SAA2: variants seen among roughly 807,000 people sequenced by gnomAD.
SAA2 encodes serum amyloid A2.
Under a neutral mutation model 9.1 loss-of-function variants are expected in SAA2, and 5 were observed. The ratio of observed to expected loss-of-function variants is 0.55; its 90% CI spans 0.29 to 1.16. The LOEUF (loss-of-function observed/expected upper bound fraction) is 1.16. SAA2 is among the 50% of genes most tolerant of loss of function. The pLI, the probability that SAA2 is intolerant of heterozygous loss-of-function variation, is 0.09. For missense variants in SAA2, 94 were observed against 153.8 expected (o/e 0.61, Z 2.06); for synonymous variants, 49 against 59.8 (o/e 0.82, Z 0.83).
At chr11:18,238,242 A>G (rs1286834935), downstream of SAA2, among the ~76,000 whole-genome samples, 1 of 152,132 alleles carries the variant, frequency 6.6e-6, no homozygotes, top group Non-Finnish European at 1.5e-5. Flanking sequence ...GTCATTTTTT[A>G]CTGGTTTATT....
At chr11:18,239,013 G>T (rs1407860737), downstream of SAA2, among the ~76,000 whole-genome samples, 1 of 152,074 alleles carries the variant, frequency 6.6e-6, no homozygotes, top group Non-Finnish European at 1.5e-5. Context: ...GGCTATAAAA[G>T]AATTTTCCAT....
downstream of SAA2, chr11:18,242,068 TA>T (rs1159768428): frequency 2.0e-5 from 3 of 152,158 alleles, no homozygotes; most frequent in African/African-American, 7.2e-5. Flanking sequence ...TCATAGGAGA[TA>T]AGACTGAAAA....
downstream of SAA2, chr11:18,242,800 T>C (rs1477375595): frequency 1.4e-6 from 1 of 701,810 alleles, no homozygotes; most frequent in Non-Finnish European, 2.6e-6. Flanking sequence ...TGAGCCATGA[T>C]CATGCCATGG....
downstream of SAA2, chr11:18,242,831 A>G (rs888709131): frequency 1.0e-5 from 7 of 701,718 alleles, no homozygotes; most frequent in Admixed American, 1.2e-4. Flanking sequence ...TGGATGAAAG[A>G]GGGAGATGCT....
At position 18,245,416 on chromosome 11, in the gene SAA2, G is replaced by A; in HGVS notation, c.330C>T (p.Pro110=). The A allele has an allele frequency of 6.2e-7, 1 of 1,614,236 alleles. No homozygotes were observed. Among genetic ancestry groups the A allele is most frequent in the Non-Finnish European group, 8.5e-7 (1 of 1,180,038 alleles). ...ANKWGRSGRD[P]NHFRPAGLPE... ...GCAGGCCAGCAGGTCGGAAGTGATTGGGGTCTCTGCCACTCCTGCCCCATT... is the reference window on the plus strand; with the variant it reads ...GCAGGCCAGCAGGTCGGAAGTGATTAGGGTCTCTGCCACTCCTGCCCCATT... Residue 110 remains proline (P), a synonymous_variant, in exon 4 of 4, where the codon CCC becomes CCT. Transcript: ENST00000256733.
downstream of SAA2, among the ~76,000 whole-genome samples, chr11:18,240,696 T>C (rs1383807228): frequency 1.3e-5 from 2 of 152,188 alleles, no homozygotes; most frequent in African/African-American, 4.8e-5. Flanking sequence ...TGAAATTTTA[T>C]ATCTCTCATC....
In SAA2 at chr11:18,246,042, C is replaced by G. The variant is rs768875822; in HGVS notation, c.98G>C (p.Arg33Pro). The G allele has an allele frequency of 6.2e-7, 1 of 1,612,674 alleles. No individual in the cohort carries two copies. Among genetic ancestry groups the G allele is most frequent in the Admixed American group, 1.7e-5 (1 of 59,620 alleles). ...GTCAGAGTAGGCTCTCCACATGTCC[C>G]GAGCCCCTGGAAAGGAAAGGAAAGG... ...SFLGEAFDGARDMWRAYSDMR... is the reference protein window; with the variant it reads ...SFLGEAFDGAPDMWRAYSDMR... The change falls in exon 3 of 4, where the codon CGG (arginine) becomes CCG (proline). Residue 33 changes from arginine to proline, a missense_variant. Around this residue, in one of 2 missense-constraint regions of SAA2, gnomAD observed 32 missense variants for 95.5 expected, o/e 0.34. Transcript: ENST00000256733.
chr11:18,242,996 A>T (rs1857391899), downstream of SAA2, among the ~76,000 whole-genome samples: 1 of 152,250 alleles, frequency 6.6e-6, no homozygotes, highest in African/African-American at 2.4e-5. Flanking sequence ...GAGCATAGGT[A>T]TTAGGTGTGA....
intron 3 of SAA2, 73 bp downstream of exon 3, chr11:18,245,837 C>T: frequency 5.3e-6 from 8 of 1,514,454 alleles, no homozygotes; most frequent in African/African-American, 1.4e-5. Context: ...ACAAGGAGCT[C>T]GTCTCCCTCC....
chr11:18,240,043 G>T, intron 3 of SAA2: 1 of 1,531,048 alleles, frequency 6.5e-7, no homozygotes, highest in Non-Finnish European at 8.8e-7. Context: ...AATCACAGGA[G>T]GGTGATTTCC....
In SAA2 at chr11:18,245,378, C is replaced by A. The variant is rs1418221135; in HGVS notation, c.368G>T (p.Ter123LeuextTer13). The change falls in exon 4 of 4, where the codon TGA (stop) becomes TTA (leucine). Residue 123 changes from the stop codon to leucine (L), a stop_lost. Coordinates refer to ENST00000256733, the MANE Select transcript of SAA2 (RefSeq NM_030754.5). ...CTGAGAGCAGAGTGAAGAGGAAGCT[C>A]AGTATTTCTCAGGCAGGCCAGCAGG... ...FRPAGLPEKY[*>L] The A allele has an allele frequency of 2.5e-6, 4 of 1,614,068 alleles. No individual in the cohort carries two copies. The highest frequency in any genetic ancestry group is 3.4e-6 in the Non-Finnish European group (4 of 1,180,050).
downstream of SAA2, chr11:18,242,858 C>T (rs1409926471): frequency 5.7e-6 from 4 of 699,584 alleles, no homozygotes; most frequent in Admixed American, 6.0e-5. Context: ...AATAACGAAA[C>T]AAAACAAAAC....
chr11:18,245,589 G>A (rs775630325), intron 3 of SAA2, 74 bp from the exon 4 acceptor site: 18 of 1,569,354 alleles, frequency 1.1e-5, no homozygotes, highest in African/African-American at 8.1e-5. Flanking sequence ...CATTCTCCCC[G>A]TTCCAAGGGA....
At chr11:18,240,198 A>T (rs988827879) in intron 3 of SAA2, 1 of 718,566 alleles carries the variant, frequency 1.4e-6, no homozygotes, top group South Asian at 1.5e-5. Context: ...CCTGTAAATG[A>T]TTCTCTTGAA....
At chr11:18,240,663 G>C (rs900769710), downstream of SAA2, among the ~76,000 whole-genome samples, 2 of 152,086 alleles carry the variant, frequency 1.3e-5, no homozygotes, top group Admixed American at 6.6e-5. Context: ...GCTGATAAAA[G>C]TGGATAGCCA....
At chr11:18,239,635 A>G in exon 4 of SAA2, 1 of 418,730 alleles carries the variant, frequency 2.4e-6, no homozygotes, top group South Asian at 9.2e-5. Context: ...CTACTAATCA[A>G]TATCTCCATC....
chr11:18,245,318 G>T lies in SAA2; in HGVS notation c.*59C>A. The T allele has an allele frequency of 1.2e-6, 2 of 1,605,844 alleles. No individual in the cohort carries two copies. Among genetic ancestry groups the T allele is most frequent in the African/African-American group, 1.3e-5 (1 of 74,870 alleles). On this transcript the variant is annotated 3_prime_UTR_variant, in exon 4 of 4. Transcript: ENST00000256733. ...TCTGGACATAGACCTCACTAACTTTGTATCCCTGCCCCGAGGGCCTCATAG... is the reference window on the plus strand; with the variant it reads ...TCTGGACATAGACCTCACTAACTTTTTATCCCTGCCCCGAGGGCCTCATAG...
At chr11:18,245,103 G>A (rs1240178926), downstream of SAA2, 4 of 564,312 alleles carry the variant, frequency 7.1e-6, no homozygotes, top group Non-Finnish European at 1.2e-5. Context: ...TGTCTGCACT[G>A]TGACTACTAA....
chr11:18,241,811 C>T (rs1235611789), downstream of SAA2, among the ~76,000 whole-genome samples: 3 of 152,132 alleles, frequency 2.0e-5, no homozygotes, highest in Admixed American at 6.5e-5. Context: ...ATGAACTCTA[C>T]TTGGGTGATG....
Sources: allele counts gnomAD v4.1 joint callset (sites outside exome capture counted in the v4.1 genomes callset), GRCh38; gene constraint gnomAD v4.1.1; regional missense constraint gnomAD v4.1.1; transcripts MANE v1.5; gene names NCBI Gene and HGNC (gene_info 2026-07-23, HGNC 2026-07-21).